Variants in DTWD2 observed in about 807,000 individuals in gnomAD.
The protein encoded by DTWD2 is DTW motif tRNA-uridine aminocarboxypropyltransferase 2.
A neutral mutation model predicts 31.8 loss-of-function variants in DTWD2; 39 were observed. That is an observed-to-expected ratio of 1.22 (90% CI 0.95 to 1.60). The LOEUF is 1.60. DTWD2 is among the 40% of genes most tolerant of loss of function. The pLI is 0.00. For missense variants in DTWD2, 515 were observed against 381.5 expected, an observed-to-expected ratio of 1.35 and a Z score of -2.92; for synonymous variants, 180 against 142.8, an observed-to-expected ratio of 1.26 and a Z score of -1.86.
intron 4 of DTWD2, among the ~76,000 whole-genome samples, chr5:118,922,926 C>T (rs1191471746): frequency 6.6e-6 from 1 of 152,100 alleles, no homozygotes; most frequent in Non-Finnish European, 1.5e-5. Context: ...TAAATAAAAC[C>T]AGCAGGTTAT....
At chr5:118,861,525 C>T (rs1752259536) in intron 4 of DTWD2, among the ~76,000 whole-genome samples, 1 of 152,212 alleles carries the variant, frequency 6.6e-6, no homozygotes, top group Non-Finnish European at 1.5e-5. Flanking sequence ...TCCTCAATCT[C>T]ACCCTCAGTT....
chr5:118,851,197 CAA>C (rs1049891895), intron 4 of DTWD2, among the ~76,000 whole-genome samples: 57 of 100,118 alleles, frequency 5.7e-4, no homozygotes, highest in African/African-American at 2.0e-3. Flanking sequence ...CCAGCCTGGG[CAA>C]AAGAGTGAGA....
At chr5:118,961,518 A>G (rs1754705897) in intron 1 of DTWD2, among the ~76,000 whole-genome samples, 1 of 152,188 alleles carries the variant, frequency 6.6e-6, no homozygotes, top group Non-Finnish European at 1.5e-5. Flanking sequence ...GGTACTAGAT[A>G]TTGAATAAAT....
At chr5:118,938,111 T>C (rs1754085875) in intron 3 of DTWD2, among the ~76,000 whole-genome samples, 1 of 152,164 alleles carries the variant, frequency 6.6e-6, no homozygotes. Context: ...GCCGATATCA[T>C]AGTTAATAAC....
At chr5:118,897,854 T>C (rs187091854) in intron 4 of DTWD2, among the ~76,000 whole-genome samples, 2 of 152,288 alleles carry the variant, frequency 1.3e-5, no homozygotes, top group South Asian at 2.1e-4. Flanking sequence ...AGAGTAAAAT[T>C]AATATTTGAA....
intron 1 of DTWD2, 100 bp downstream of exon 1, chr5:118,988,194 C>A: frequency 6.9e-7 from 1 of 1,439,858 alleles, no homozygotes; most frequent in African/African-American, 1.4e-5. Context: ...CCGCCCTAAT[C>A]GCAGAGCTGC....
chr5:118,881,081 T>G (rs1752729809), intron 4 of DTWD2, among the ~76,000 whole-genome samples: 1 of 152,224 alleles, frequency 6.6e-6, no homozygotes, highest in East Asian at 1.9e-4. Context: ...AACATACATC[T>G]ATTTTGGAGA....
At chr5:118,904,091 T>C (rs1279581707) in intron 4 of DTWD2, among the ~76,000 whole-genome samples, 1 of 152,066 alleles carries the variant, frequency 6.6e-6, no homozygotes, top group Non-Finnish European at 1.5e-5. Flanking sequence ...AATGATCAGA[T>C]ACCACTTCAC....
chr5:118,928,078 G>C (rs1229081243), intron 4 of DTWD2, among the ~76,000 whole-genome samples: 1 of 151,930 alleles, frequency 6.6e-6, no homozygotes, highest in African/African-American at 2.4e-5. Flanking sequence ...TCAAAAAACT[G>C]AAGAATAAAC....
At chr5:118,987,049 T>C (rs1417148379) in intron 1 of DTWD2, among the ~76,000 whole-genome samples, 1 of 152,212 alleles carries the variant, frequency 6.6e-6, no homozygotes, top group Non-Finnish European at 1.5e-5. Flanking sequence ...ATATTTATAA[T>C]TAACAATTCT....
In DTWD2 at chr5:118,939,070, C is replaced by T. The variant is rs1204377119; in HGVS notation, c.404+126G>A. 9.0e-6 allele frequency: 7 copies of T among 780,444 alleles called. No homozygotes were observed. The South Asian group carries it at 1.4e-4, about 15-fold the overall frequency. 48.3% of individuals were successfully genotyped at this position (780,444 alleles called of 1,614,324 possible). On this transcript the variant is annotated intron_variant, in intron 3 of 5. Transcript: ENST00000510708. Reference sequence around the variant, plus strand: ...TTGTGTGGTCAGGGGTTAGCAGAACCTAAATTTTTTGACTAATTTCCACTC... The same window carrying T: ...TTGTGTGGTCAGGGGTTAGCAGAACTTAAATTTTTTGACTAATTTCCACTC...
At chr5:118,907,384 C>T (rs1233173053) in intron 4 of DTWD2, among the ~76,000 whole-genome samples, 2 of 152,118 alleles carry the variant, frequency 1.3e-5, no homozygotes, top group East Asian at 3.9e-4. Flanking sequence ...AAGGAATTGA[C>T]ACATGATTAT....
intron 4 of DTWD2, among the ~76,000 whole-genome samples, chr5:118,923,563 G>A (rs1753749901): frequency 1.3e-5 from 2 of 152,170 alleles, no homozygotes; most frequent in South Asian, 2.1e-4. Context: ...AAGAATCTTG[G>A]GAAAGAGGCG....
chr5:118,862,940 C>T (rs1475587049), intron 4 of DTWD2, among the ~76,000 whole-genome samples: 1 of 152,136 alleles, frequency 6.6e-6, no homozygotes, highest in African/African-American at 2.4e-5. Context: ...GTTGAAAAGG[C>T]TATATCCCTT....
chr5:118,869,592 G>A (rs759802680), intron 4 of DTWD2, among the ~76,000 whole-genome samples: 1 of 152,094 alleles, frequency 6.6e-6, no homozygotes, highest in Non-Finnish European at 1.5e-5. Context: ...ATAACATAAT[G>A]TTCATCCTCC....
chr5:118,986,190 T>C (rs538306702), intron 1 of DTWD2, among the ~76,000 whole-genome samples: 1 of 152,182 alleles, frequency 6.6e-6, no homozygotes, highest in Non-Finnish European at 1.5e-5. Context: ...GTTTTGTCTT[T>C]ATCTGAAAAA....
At chr5:118,987,993 T>A in intron 1 of DTWD2, 2 of 670,800 alleles carry the variant, frequency 3.0e-6, no homozygotes, top group Non-Finnish European at 5.4e-6. Context: ...AGTATTACTG[T>A]CATCACCCCT....
intron 1 of DTWD2, among the ~76,000 whole-genome samples, chr5:118,945,166 A>T (rs913165034): frequency 1.2e-4 from 19 of 152,256 alleles, no homozygotes; most frequent in Non-Finnish European, 2.8e-4. Context: ...CCACCAAATT[A>T]TATTTGGCTA....
intron 4 of DTWD2, among the ~76,000 whole-genome samples, chr5:118,858,147 A>G (rs893701149): frequency 2.0e-5 from 3 of 152,026 alleles, no homozygotes; most frequent in African/African-American, 4.8e-5. Flanking sequence ...TATTGTGGCA[A>G]TGTGTAACTG....
Sources: gnomAD v4.1 joint callset for allele counts (sites outside exome capture counted in the v4.1 genomes callset) on GRCh38, gnomAD v4.1.1 for gene constraint, MANE v1.5 for transcripts, NCBI Gene and HGNC (gene_info 2026-07-23, HGNC 2026-07-21) for gene names.